TXLNB: variants seen among roughly 807,000 people sequenced by gnomAD.
The protein encoded by TXLNB is taxilin beta.
Under a neutral mutation model 57.4 loss-of-function variants are expected in TXLNB, and 37 were observed. That is an observed-to-expected ratio of 0.64 (90% CI 0.50 to 0.85). The LOEUF (loss-of-function observed/expected upper bound fraction) is 0.85, where lower values mean the gene tolerates loss of function less well. Ranked by LOEUF, TXLNB falls within the 40% of genes least tolerant of loss-of-function variation. TXLNB has a pLI of 0.00. For synonymous variants in TXLNB, 302 were observed against 309.6 expected, an observed-to-expected ratio of 0.98 and a Z score of 0.26; for missense variants, 848 against 825.6, an observed-to-expected ratio of 1.03 and a Z score of -0.33.
chr6:139,192,011 T>A, the TXLNB span, among the ~76,000 whole-genome samples: 2 of 152,218 alleles, frequency 1.3e-5, no homozygotes, highest in African/African-American at 4.8e-5. Flanking sequence ...TAATGGCATT[T>A]TTTTGAGTTG....
intron 7 of TXLNB, among the ~76,000 whole-genome samples, chr6:139,248,325 G>A (rs376353125): frequency 3.3e-5 from 5 of 150,574 alleles, no homozygotes; most frequent in East Asian, 2.0e-4. Context: ...GTGAAACCCC[G>A]TCTCTACTAA....
the TXLNB span, among the ~76,000 whole-genome samples, chr6:139,173,668 ATTAT>A: frequency 5.9e-5 from 9 of 152,162 alleles, no homozygotes; most frequent in African/African-American, 2.2e-4. Context: ...CTCTTTCCTA[ATTAT>A]TTAAACTGTG....
At chr6:139,239,602 C>T (rs1775877118), downstream of TXLNB, 1 of 152,424 alleles carries the variant, frequency 6.6e-6, no homozygotes, top group Non-Finnish European at 1.5e-5. This position sits in a 1 kb window ranked among gnomAD's most constrained non-coding sequence, Gnocchi z 4.7. Flanking sequence ...AAGCGATCCT[C>T]CTGCCTCAGC....
intron 1 of TXLNB, among the ~76,000 whole-genome samples, chr6:139,291,255 T>C (rs1255415863): frequency 1.3e-5 from 2 of 152,218 alleles, no homozygotes; most frequent in Non-Finnish European, 2.9e-5. Context: ...TTCAGTCAAA[T>C]TGAAAACAGT....
Position 139,242,995 on chromosome 6 carries a change from C to T in TXLNB, c.1586G>A (p.Ser529Asn). The T allele has an allele frequency of 6.2e-7, 1 of 1,614,172 alleles. No individual in the cohort carries two copies. The highest frequency in any genetic ancestry group is 8.5e-7 in the Non-Finnish European group (1 of 1,180,042). The change falls in exon 10 of 10, where the codon AGT becomes AAT. Residue 529 changes from serine (S) to asparagine (N), a missense_variant. Transcript: ENST00000358430. ...AGCGGCGTCAGCACTCTCCTGAGAA[C>T]TGCCTATTTCGGGTTGGGTTTCTTT... ...QSKETQPEIG[S>N]SQESADAALK...
At chr6:139,159,767 A>C in the TXLNB span, among the ~76,000 whole-genome samples, 1 of 152,354 alleles carries the variant, frequency 6.6e-6, no homozygotes, top group African/African-American at 2.4e-5. Context: ...GAATGTGACT[A>C]AGTCATCCCT....
At chr6:139,313,144 C>T in the TXLNB span, among the ~76,000 whole-genome samples, 2 of 151,782 alleles carry the variant, frequency 1.3e-5, no homozygotes, top group African/African-American at 4.8e-5. Flanking sequence ...GCGATCTCGG[C>T]TCGCTGCAAG....
chr6:139,269,969 A>C (rs1437337849), intron 4 of TXLNB, among the ~76,000 whole-genome samples: 2 of 152,202 alleles, frequency 1.3e-5, no homozygotes, highest in Non-Finnish European at 2.9e-5. Context: ...CCTTTTTTTC[A>C]GATGACTATT....
chr6:139,302,049 C>T, the TXLNB span, among the ~76,000 whole-genome samples: 4 of 151,726 alleles, frequency 2.6e-5, no homozygotes, highest in Non-Finnish European at 5.9e-5. Context: ...ATTGAAACTA[C>T]GATGCTTTAT....
rs1175287550 is a variant in TXLNB at position 139,284,476 on chromosome 6, C to T, written c.424+4000G>A. Among the ~76,000 whole-genome samples, 9 of 144,690 alleles carry T rather than the reference C, an allele frequency of 6.2e-5. 2 individuals carry two copies. Among genetic ancestry groups the T allele is most frequent in the African/African-American group, 5.1e-5 (2 of 39,236 alleles). 94.9% of individuals were successfully genotyped at this position (144,690 alleles called of 152,430 possible). A position where few individuals can be genotyped will look rare whatever the true frequency, so the allele number is the denominator to read the frequency against. On this transcript the variant is annotated intron_variant, in intron 2 of 9. Transcript: ENST00000358430. The stretch of plus-strand genomic sequence containing the variant: ...TAGGGAGCTGGAGGTTGTAGTGAGC[C>T]GAAATCGCGCCACTGCACTCCAGCC...
chr6:139,220,844 G>A, the TXLNB span, among the ~76,000 whole-genome samples: 1 of 152,250 alleles, frequency 6.6e-6, no homozygotes, highest in Non-Finnish European at 1.5e-5. Flanking sequence ...AAACTCAGAG[G>A]AGCCGAAATC....
chr6:139,222,606 A>G, the TXLNB span, among the ~76,000 whole-genome samples: 1 of 152,218 alleles, frequency 6.6e-6, no homozygotes, highest in East Asian at 1.9e-4. Context: ...CAGGAGTTTG[A>G]GACCAGCCTG....
the TXLNB span, among the ~76,000 whole-genome samples, chr6:139,172,793 T>A: frequency 2.0e-5 from 3 of 152,212 alleles, no homozygotes; most frequent in Non-Finnish European, 4.4e-5. Context: ...TCTGTAAGCC[T>A]CACTTCCTAC....
At chr6:139,261,052 G>T (rs1005182694) in intron 5 of TXLNB, among the ~76,000 whole-genome samples, 8 of 152,068 alleles carry the variant, frequency 5.3e-5, no homozygotes, top group African/African-American at 1.9e-4. Context: ...TGCAGAGCTC[G>T]CCACACCTTT....
At chr6:139,274,658 C>A (rs758529198) in intron 3 of TXLNB, among the ~76,000 whole-genome samples, 1 of 152,084 alleles carries the variant, frequency 6.6e-6, no homozygotes, top group African/African-American at 2.4e-5. Flanking sequence ...GATGAACAAC[C>A]CTGGCTCATG....
At chr6:139,230,164 C>T in the TXLNB span, among the ~76,000 whole-genome samples, 3 of 152,300 alleles carry the variant, frequency 2.0e-5, no homozygotes, top group South Asian at 2.1e-4. Flanking sequence ...ACTTCAATAT[C>T]GGTTTTCTAA....
upstream of TXLNB, among the ~76,000 whole-genome samples, chr6:139,295,498 A>G (rs556183210): frequency 2.0e-5 from 3 of 152,262 alleles, no homozygotes; most frequent in Middle Eastern, 3.4e-3. Context: ...CCAAGAAACA[A>G]TAACTCCTTG....
chr6:139,243,734 A>G (rs1582988362), intron 9 of TXLNB, among the ~76,000 whole-genome samples: 1 of 152,288 alleles, frequency 6.6e-6, no homozygotes, highest in East Asian at 1.9e-4. Flanking sequence ...TTCTATGAAT[A>G]AACTGCTATG....
At chr6:139,159,931 T>C in the TXLNB span, among the ~76,000 whole-genome samples, 1 of 152,080 alleles carries the variant, frequency 6.6e-6, no homozygotes, top group South Asian at 2.1e-4. Flanking sequence ...CAATGTCCGG[T>C]TTATGGGGCT....
Sources: gnomAD v4.1 joint callset for allele counts (sites outside exome capture counted in the v4.1 genomes callset) on GRCh38, gnomAD v4.1.1 for gene constraint, Gnocchi (gnomAD v3.1) non-coding constraint, MANE v1.5 for transcripts, NCBI Gene and HGNC (gene_info 2026-07-23, HGNC 2026-07-21) for gene names.